CPNE5: variants seen among roughly 807,000 people sequenced by gnomAD.
CPNE5 encodes copine-5.
A neutral mutation model predicts 81.1 loss-of-function variants in CPNE5; 42 were observed. That is an observed-to-expected ratio of 0.52 (90% CI 0.40 to 0.67). The LOEUF (loss-of-function observed/expected upper bound fraction) is 0.67. Ranked by LOEUF, CPNE5 falls within the 30% of genes least tolerant of loss-of-function variation. The pLI, the probability that CPNE5 is intolerant of heterozygous loss-of-function variation, is 0.00. For synonymous variants in CPNE5, 313 were observed against 321.5 expected, an observed-to-expected ratio of 0.97 and a Z score of 0.28; for missense variants, 612 against 815.5, an observed-to-expected ratio of 0.75 and a Z score of 3.04.
At position 36,742,502 on chromosome 6, in the gene CPNE5, G is replaced by A; in HGVS notation, c.1564-16C>T. 3 of 1,602,256 alleles carry A rather than the reference G, an allele frequency of 1.9e-6. No individual in the cohort carries two copies. The highest frequency in any genetic ancestry group is 2.6e-6 in the Non-Finnish European group (3 of 1,174,876). On this transcript the variant is annotated splice_polypyrimidine_tract_variant and intron_variant, in intron 20 of 20. Coordinates refer to ENST00000244751, the MANE Select transcript of CPNE5 (RefSeq NM_020939.2). ...AGGGTACAAACTGGCAAGTGGGAGG[G>A]CAGGGTCAGGCAGTGCCTCCTGTGG... is the stretch of plus-strand genomic sequence containing the variant.
intron 20 of CPNE5, chr6:36,743,153 G>T (rs2150350466): frequency 2.0e-6 from 2 of 985,418 alleles, no homozygotes; most frequent in South Asian, 4.7e-5. Context: ...CATCTCCTAA[G>T]CACTAGGGCC....
intron 3 of CPNE5, among the ~76,000 whole-genome samples, chr6:36,819,670 T>C (rs1771869036): frequency 6.6e-6 from 1 of 152,202 alleles, no homozygotes; most frequent in Non-Finnish European, 1.5e-5. Context: ...GCTCTTGTCA[T>C]TGGTCATTTT....
chr6:36,749,749 G>C (rs907306878), intron 14 of CPNE5, among the ~76,000 whole-genome samples: 6 of 152,150 alleles, frequency 3.9e-5, no homozygotes, highest in African/African-American at 1.4e-4. Context: ...CTATGATGTG[G>C]TAATGGCTGA....
In CPNE5 at chr6:36,745,395, C is replaced by T. The variant is rs1345002928; in HGVS notation, c.1321G>A (p.Val441Met). The T allele has an allele frequency of 6.2e-6, 10 of 1,606,160 alleles. No homozygotes were observed. Among genetic ancestry groups the T allele is most frequent in the African/African-American group, 2.7e-5 (2 of 74,898 alleles). The stretch of plus-strand genomic sequence containing the variant: ...GGTGGCAGCGGCACTCACCTGGCCA[C>T]GTGGGTGACCACGGGGGCAAAGTTG... ...PTNFAPVVTH[V>M]ARNAAAVQDG... Residue 441 changes from valine (V) to methionine (M), a missense_variant, in exon 17 of 21, where the codon GTG becomes ATG. By Grantham distance (21) the Val-to-Met change is conservative. Coordinates refer to ENST00000244751, the MANE Select transcript of CPNE5 (RefSeq NM_020939.2).
intron 3 of CPNE5, among the ~76,000 whole-genome samples, chr6:36,816,119 G>A (rs893841112): frequency 6.6e-6 from 1 of 152,176 alleles, no homozygotes; most frequent in Non-Finnish European, 1.5e-5. Context: ...AGATTAGTAA[G>A]CTGAGACTTG....
intron 3 of CPNE5, among the ~76,000 whole-genome samples, chr6:36,806,545 C>G (rs930168376): frequency 3.9e-5 from 6 of 152,330 alleles, no homozygotes; most frequent in Middle Eastern, 3.4e-3. Context: ...AGGTGATGCT[C>G]TATCCCTTGT....
At chr6:36,800,891 C>T (rs1770044323) in intron 3 of CPNE5, among the ~76,000 whole-genome samples, 1 of 152,214 alleles carries the variant, frequency 6.6e-6, no homozygotes, top group Non-Finnish European at 1.5e-5. Context: ...TCAATCTGCC[C>T]ATCCGTAAGA....
At chr6:36,779,600 C>T in intron 8 of CPNE5, among the ~76,000 whole-genome samples, 1 of 152,218 alleles carries the variant, frequency 6.6e-6, no homozygotes, top group East Asian at 1.9e-4. Context: ...GGGTCTGTGG[C>T]CCATTTCACA....
intron 13 of CPNE5, among the ~76,000 whole-genome samples, chr6:36,753,952 T>C (rs978445157): frequency 6.6e-6 from 1 of 152,216 alleles, no homozygotes; most frequent in Non-Finnish European, 1.5e-5. Flanking sequence ...CAGCTGTTTT[T>C]ACAGGCTCAT....
intron 12 of CPNE5, among the ~76,000 whole-genome samples, chr6:36,761,160 A>G (rs762496705): frequency 2.6e-5 from 4 of 152,106 alleles, no homozygotes; most frequent in Non-Finnish European, 5.9e-5. Flanking sequence ...ACCTCCCTAA[A>G]TCTCCTCAAA....
intron 8 of CPNE5, among the ~76,000 whole-genome samples, chr6:36,790,711 T>C (rs1190704517): frequency 6.6e-6 from 1 of 152,156 alleles, no homozygotes; most frequent in Non-Finnish European, 1.5e-5. Context: ...GCCCAACTAA[T>C]TTTTTGTGTT....
In CPNE5 at chr6:36,741,191, G is replaced by A. The variant is rs543963748; in HGVS notation, c.*1077C>T. On this transcript the variant is annotated 3_prime_UTR_variant, in exon 21 of 21. Coordinates refer to ENST00000244751, the MANE Select transcript of CPNE5 (RefSeq NM_020939.2). ...GGCGGCCTCAAGTAGGGTCACATCT[G>A]TTAGGAGTAGGATGGGGGGAACTGG... 9 of 152,400 alleles carry A rather than the reference G, an allele frequency of 5.9e-5. No homozygotes were observed. The highest frequency in any genetic ancestry group is 4.6e-4 in the Admixed American group (7 of 15,310). The allele number at this position is 152,400 out of a possible 1,614,324, so 9.4% of individuals were successfully genotyped here.
chr6:36,753,385 G>A (rs972196844), intron 13 of CPNE5, among the ~76,000 whole-genome samples: 1 of 152,230 alleles, frequency 6.6e-6, no homozygotes, highest in Non-Finnish European at 1.5e-5. Flanking sequence ...GACCTTGACG[G>A]AAGGGTCCCA....
At chr6:36,822,906 G>T in intron 2 of CPNE5, 152 bp downstream of exon 2, 1 of 550,514 alleles carries the variant, frequency 1.8e-6, no homozygotes. Flanking sequence ...ATCTTTCTCA[G>T]ACACTATGGG....
intron 14 of CPNE5, 40 bp from the exon 15 acceptor site, chr6:36,748,307 G>A: frequency 6.3e-7 from 1 of 1,598,150 alleles, no homozygotes; most frequent in Non-Finnish European, 8.6e-7. Flanking sequence ...CCTGGAGGGA[G>A]GCAGGGCTGT....
In CPNE5 at chr6:36,828,780, C is replaced by G. The variant is rs546367000; in HGVS notation, c.96-5682G>C. ...CAACAACTCACCCTAAGCATCCGTC[C>G]AACCTTGGGGGTGAAAAGTGGGGGC... On this transcript the variant is annotated intron_variant, in intron 1 of 20. Coordinates refer to ENST00000244751, the MANE Select transcript of CPNE5 (RefSeq NM_020939.2). Among the ~76,000 whole-genome samples, 155 of 152,306 alleles carry G rather than the reference C, an allele frequency of 1.0e-3. 4 individuals carry two copies. In the South Asian group the frequency reaches 0.031, roughly 30 times the overall value.
At chr6:36,837,945 A>G (rs1773666906) in intron 1 of CPNE5, among the ~76,000 whole-genome samples, 1 of 152,098 alleles carries the variant, frequency 6.6e-6, no homozygotes, top group African/African-American at 2.4e-5. Context: ...CAGCAGAGTA[A>G]TGACAAGATG....
chr6:36,823,412 G>C (rs1772233495), intron 1 of CPNE5, among the ~76,000 whole-genome samples: 1 of 152,092 alleles, frequency 6.6e-6, no homozygotes, highest in South Asian at 2.1e-4. Flanking sequence ...TTCCGAAACT[G>C]CCCAATGTCT....
At chr6:36,751,910 T>C (rs1208946879) in intron 14 of CPNE5, among the ~76,000 whole-genome samples, 1 of 151,714 alleles carries the variant, frequency 6.6e-6, no homozygotes, top group Non-Finnish European at 1.5e-5. Flanking sequence ...ATTAATGGGA[T>C]TGAGAGGGAA....
Sources: allele counts gnomAD v4.1 joint callset (sites outside exome capture counted in the v4.1 genomes callset), GRCh38; gene constraint gnomAD v4.1.1; transcripts MANE v1.5; gene names NCBI Gene and HGNC (gene_info 2026-07-23, HGNC 2026-07-21).